RGS5: variants seen among roughly 807,000 people sequenced by gnomAD.
The protein encoded by RGS5 is regulator of G-protein signalling 5.
In RGS5, 20 loss-of-function variants were observed where a neutral mutation model predicts 18.9. The observed-to-expected ratio is 1.06, with a 90% CI of 0.74 to 1.54. RGS5 has a LOEUF of 1.54. Among genes scored for constraint, RGS5 ranks in the 40% most tolerant of loss-of-function variants. The probability of loss-of-function intolerance (pLI) is 0.00; values close to 1 mark genes in which losing one functional copy is unlikely to be tolerated. For synonymous variants in RGS5, 57 were observed against 76.2 expected (o/e 0.75, Z 1.31); for missense variants, 201 against 211.8 (o/e 0.95, Z 0.32).
intron 1 of RGS5, among the ~76,000 whole-genome samples, chr1:163,171,585 T>C (rs575906777): frequency 2.0e-5 from 3 of 152,366 alleles, no homozygotes; most frequent in Admixed American, 6.5e-5. Context: ...CTTTTTTTTC[T>C]ATTTCTTGCT....
Position 163,269,346 on chromosome 1 carries a change from G to A in RGS5, c.-281+36887C>T, listed in dbSNP as rs147605085. Among the ~76,000 whole-genome samples, 14 of 152,220 alleles carry A rather than the reference G, an allele frequency of 9.2e-5. No individual in the cohort carries two copies. In the East Asian group the frequency reaches 2.1e-3, roughly 23 times the overall value. On this transcript the variant is annotated intron_variant, in intron 2 of 5. Coordinates refer to the RGS5 transcript ENST00000618415. Reference sequence around the variant, plus strand: ...TGCTAAGCATAGCTGCAAACAGAAGGTCAATGGATCCAGTTACTTTCTATG... The same window carrying A: ...TGCTAAGCATAGCTGCAAACAGAAGATCAATGGATCCAGTTACTTTCTATG...
intron 2 of RGS5, among the ~76,000 whole-genome samples, chr1:163,299,632 T>G (rs1649504826): frequency 6.6e-6 from 1 of 152,246 alleles, no homozygotes; most frequent in Non-Finnish European, 1.5e-5. Flanking sequence ...GTGAACGTGC[T>G]GCTGCTTTGT....
rs144516293 is a variant in RGS5, at chr1:163,195,514, A to T, written c.44+7278T>A. ...TGAAGGGTGCCCTGAAATTTCAGAA[A>T]TCACCACTAAAGAACTTATTCATGT... On this transcript the variant is annotated intron_variant, in intron 1 of 4. Transcript: ENST00000313961. 6.0e-3 allele frequency among the ~76,000 whole-genome samples: 913 copies of T among 152,184 alleles called. 11 individuals are homozygous for T. The highest frequency in any genetic ancestry group is 0.021 in the African/African-American group (857 of 41,522).
chr1:163,288,250 A>C (rs566613084), intron 2 of RGS5, among the ~76,000 whole-genome samples: 21 of 152,190 alleles, frequency 1.4e-4, no homozygotes, highest in Non-Finnish European at 2.8e-4. Context: ...ATTTAAACAA[A>C]AAGATATAAT....
At chr1:163,315,005 T>C (rs1017400313) in intron 1 of RGS5, among the ~76,000 whole-genome samples, 1 of 152,184 alleles carries the variant, frequency 6.6e-6, no homozygotes, top group Non-Finnish European at 1.5e-5. Flanking sequence ...GACACCCTTC[T>C]AAAATGTGTT....
At chr1:163,160,537 G>A (rs181797454) in intron 3 of RGS5, among the ~76,000 whole-genome samples, 2 of 152,106 alleles carry the variant, frequency 1.3e-5, no homozygotes, top group Admixed American at 6.5e-5. Context: ...AAAAGAGAGA[G>A]AATCAGAAAT....
chr1:163,176,175 T>C (rs576709964), intron 1 of RGS5, among the ~76,000 whole-genome samples: 2 of 152,366 alleles, frequency 1.3e-5, no homozygotes, highest in South Asian at 4.1e-4. Context: ...CTCTTTTCAT[T>C]TTTATGTTCA....
At chr1:163,232,166 A>G (rs565923207) in intron 2 of RGS5, among the ~76,000 whole-genome samples, 55 of 152,314 alleles carry the variant, frequency 3.6e-4, no homozygotes, top group African/African-American at 1.3e-3. Context: ...TACTTAAGAT[A>G]TAGCACTCTA....
At chr1:163,256,625 G>A (rs1233643760) in intron 2 of RGS5, among the ~76,000 whole-genome samples, 1 of 152,150 alleles carries the variant, frequency 6.6e-6, no homozygotes, top group Admixed American at 6.5e-5. Context: ...CATCTCCTAG[G>A]CAATTTGGAA....
chr1:163,236,579 T>G (rs781534059), intron 2 of RGS5, among the ~76,000 whole-genome samples: 11 of 152,152 alleles, frequency 7.2e-5, no homozygotes, highest in Non-Finnish European at 1.2e-4. Flanking sequence ...ATAACCTATA[T>G]GAATCTATAT....
At chr1:163,235,222 T>C (rs576127615) in intron 2 of RGS5, among the ~76,000 whole-genome samples, 1 of 152,324 alleles carries the variant, frequency 6.6e-6, no homozygotes, top group East Asian at 1.9e-4. Context: ...TCTCATCATA[T>C]AAATCCGGTC....
intron 2 of RGS5, among the ~76,000 whole-genome samples, chr1:163,254,655 G>C (rs1022112505): frequency 6.6e-6 from 1 of 152,192 alleles, no homozygotes; most frequent in Non-Finnish European, 1.5e-5. Context: ...AGTTTAATTA[G>C]ATCCCATTTG....
chr1:163,273,816 T>G (rs1648782757), intron 2 of RGS5, among the ~76,000 whole-genome samples: 1 of 152,202 alleles, frequency 6.6e-6, no homozygotes, highest in Non-Finnish European at 1.5e-5. Context: ...TATTTTCTCC[T>G]CTGAGATTTG....
intron 2 of RGS5, among the ~76,000 whole-genome samples, chr1:163,225,009 C>T (rs1235310467): frequency 2.6e-5 from 4 of 152,096 alleles, no homozygotes; most frequent in African/African-American, 9.7e-5. Context: ...GCTTTCTTTG[C>T]TGTGCAGAAG....
chr1:163,310,189 C>T (rs11809773), intron 1 of RGS5, among the ~76,000 whole-genome samples: 63,509 of 151,948 alleles, frequency 0.42, 13,739 homozygotes, highest in South Asian at 0.5. Flanking sequence ...TCAGTGAGCA[C>T]TGGCCTCAAC....
At chr1:163,229,589 T>C (rs546655264) in intron 2 of RGS5, among the ~76,000 whole-genome samples, 4 of 152,312 alleles carry the variant, frequency 2.6e-5, no homozygotes, top group East Asian at 3.9e-4. Flanking sequence ...TCTACTCCCC[T>C]TCCTCTCACT....
intron 2 of RGS5, among the ~76,000 whole-genome samples, chr1:163,283,778 AG>A (rs1295091436): frequency 2.0e-5 from 3 of 152,206 alleles, no homozygotes; most frequent in Non-Finnish European, 4.4e-5. Flanking sequence ...TTAGGAGCTG[AG>A]GGCAGCCTCC....
chr1:163,217,831 A>C (rs1660251023), upstream of RGS5, among the ~76,000 whole-genome samples: 1 of 152,184 alleles, frequency 6.6e-6, no homozygotes, highest in African/African-American at 2.4e-5. Flanking sequence ...ATTGGGATTT[A>C]TATTATTTGG....
chr1:163,182,352 C>G (rs547859205), intron 1 of RGS5, among the ~76,000 whole-genome samples: 10 of 152,270 alleles, frequency 6.6e-5, no homozygotes, highest in African/African-American at 2.4e-4. Flanking sequence ...CCACTGCTGC[C>G]TAGTTCAGCT....
Sources: gnomAD v4.1 joint callset for allele counts (sites outside exome capture counted in the v4.1 genomes callset) on GRCh38, gnomAD v4.1.1 for gene constraint, MANE v1.5 for transcripts, NCBI Gene and HGNC (gene_info 2026-07-23, HGNC 2026-07-21) for gene names.